The following DIAPH2 variants were observed in gnomAD, a reference collection of about 807,000 sequenced individuals.
DIAPH2 encodes the protein protein diaphanous homolog 2.
Under a neutral mutation model 92.7 loss-of-function variants are expected in DIAPH2, and 35 were observed. The ratio of observed to expected loss-of-function variants is 0.38; its 90% confidence interval spans 0.29 to 0.50. The LOEUF (loss-of-function observed/expected upper bound fraction) is 0.50, where lower values mean the gene tolerates loss of function less well. DIAPH2 is among the 20% of genes least tolerant of loss of function. The probability of loss-of-function intolerance (pLI) is 0.94; values close to 1 mark genes in which losing one functional copy is unlikely to be tolerated. For missense variants in DIAPH2, 701 were observed against 819.5 expected (o/e 0.86, Z 1.77); for synonymous variants, 301 against 280.4 (o/e 1.07, Z -0.73).
intron 17 of DIAPH2, among the ~76,000 whole-genome samples, chrX:97,018,749 A>G (rs932714166): frequency 1.8e-5 from 2 of 111,884 alleles, no homozygotes; most frequent in African/African-American, 3.2e-5. Context: ...CATTTTTTAC[A>G]CAATAATCAA....
chrX:96,845,744 C>T (rs707293), intron 4 of DIAPH2, among the ~76,000 whole-genome samples: 37,816 of 111,054 alleles, frequency 0.34, 5,799 homozygotes, highest in South Asian at 0.5. Context: ...TGATATAAAG[C>T]GTAAATGAAA....
chrX:96,797,574 A>G (rs2064550113), intron 4 of DIAPH2, among the ~76,000 whole-genome samples: 1 of 112,391 alleles, frequency 8.9e-6, no homozygotes, highest in Non-Finnish European at 1.9e-5. Flanking sequence ...GGAAACTTTC[A>G]ATCATGGCAG....
In DIAPH2 at chrX:97,099,809, A is replaced by C. The variant is rs1395329585; in HGVS notation, c.2349+14A>C. On this transcript the variant is annotated intron_variant, in intron 20 of 26. Coordinates refer to ENST00000324765, the MANE Select transcript of DIAPH2 (RefSeq NM_006729.5). ...TTTGGAGTTGTGGTATGTATCCAACATGAGGGACCACAAACTCAGCTGGGA... is the reference window on the plus strand; with the variant it reads ...TTTGGAGTTGTGGTATGTATCCAACCTGAGGGACCACAAACTCAGCTGGGA... 1 of 1,015,303 alleles carries C rather than the reference A, an allele frequency of 9.8e-7. No homozygotes were observed. The highest frequency in any genetic ancestry group is 1.3e-6 in the Non-Finnish European group (1 of 756,549). The allele number at this position is 1,015,303 out of a possible 1,213,427, so 83.7% of individuals were successfully genotyped here.
intron 1 of DIAPH2, among the ~76,000 whole-genome samples, chrX:96,719,922 G>T: frequency 9.0e-6 from 1 of 111,643 alleles, no homozygotes; most frequent in East Asian, 2.8e-4. Flanking sequence ...TAAAGTGATC[G>T]GGATTTTTAC....
At position 96,958,046 on chromosome X, in the gene DIAPH2, A is replaced by C. The variant is rs1285492470; in HGVS notation, c.1833A>C (p.Gly611=). The C allele has an allele frequency of 8.3e-7, 1 of 1,209,762 alleles. No individual in the cohort carries two copies. The highest frequency in any genetic ancestry group is 1.1e-6 in the Non-Finnish European group (1 of 895,231). ...CTCCTCCACCACCACCCCTTGGAGGAGTTCCTCCTCCCCCAGGAATATCAC... is the reference window on the plus strand; with the variant it reads ...CTCCTCCACCACCACCCCTTGGAGGCGTTCCTCCTCCCCCAGGAATATCAC... The part of the protein sequence containing the change: ...GGPPPPPPLG[G]VPPPPGISLN... Residue 611 remains glycine (G), a synonymous_variant, in exon 16 of 27, where the codon GGA becomes GGC. Transcript: ENST00000324765.
intron 26 of DIAPH2, among the ~76,000 whole-genome samples, chrX:97,570,691 G>A (rs1157210349): frequency 3.6e-5 from 4 of 110,769 alleles, no homozygotes; most frequent in African/African-American, 1.3e-4. Context: ...TCAACAGGAA[G>A]GCACTTTATG....
chrX:96,841,437 C>T (rs1193283646), intron 4 of DIAPH2, among the ~76,000 whole-genome samples: 8 of 111,758 alleles, frequency 7.2e-5, no homozygotes, highest in Non-Finnish European at 1.1e-4. Flanking sequence ...TTCTCCTCTC[C>T]ATTCCCTTCC....
chrX:97,053,818 G>A (rs1394550966), intron 17 of DIAPH2, among the ~76,000 whole-genome samples: 1 of 111,798 alleles, frequency 8.9e-6, no homozygotes, highest in African/African-American at 3.2e-5. Context: ...AGTAATGAAT[G>A]TACATGTGCT....
intron 24 of DIAPH2, among the ~76,000 whole-genome samples, chrX:97,375,955 C>T (rs2069496361): frequency 9.0e-6 from 1 of 111,391 alleles, no homozygotes; most frequent in African/African-American, 3.3e-5. Context: ...AACATTAAGG[C>T]AGACTAAGTG....
intron 26 of DIAPH2, among the ~76,000 whole-genome samples, chrX:97,461,354 T>A (rs2070457180): frequency 9.0e-6 from 1 of 111,152 alleles, no homozygotes; most frequent in African/African-American, 3.3e-5. Context: ...CATTAACACA[T>A]CAGAAATAAA....
chrX:97,158,676 T>C (rs2067343046), intron 22 of DIAPH2, among the ~76,000 whole-genome samples: 6 of 112,501 alleles, frequency 5.3e-5, no homozygotes, highest in Middle Eastern at 4.6e-3. Context: ...ATTAAACTGT[T>C]GTGGAACATT....
intron 23 of DIAPH2, among the ~76,000 whole-genome samples, chrX:97,333,093 G>A (rs1398679788): frequency 1.8e-5 from 2 of 111,671 alleles, no homozygotes; most frequent in Non-Finnish European, 3.8e-5. Flanking sequence ...TATTTGGGGG[G>A]AGTATATCAA....
chrX:97,438,130 A>G (rs920709675), intron 26 of DIAPH2, among the ~76,000 whole-genome samples: 2 of 106,444 alleles, frequency 1.9e-5, no homozygotes, highest in Admixed American at 1.0e-4. Context: ...TTAAAAAAAA[A>G]AAAAAAGAAA....
chrX:97,339,208 TC>T (rs1459961200), intron 23 of DIAPH2, among the ~76,000 whole-genome samples: 1 of 111,097 alleles, frequency 9.0e-6, no homozygotes, highest in Non-Finnish European at 1.9e-5. Context: ...TAGATGAGAT[TC>T]CCTAGATAAA....
chrX:97,599,098 G>A (rs767410995), intron 26 of DIAPH2, among the ~76,000 whole-genome samples, 155 bp from the exon 27 acceptor site: 1 of 112,323 alleles, frequency 8.9e-6, no homozygotes, highest in Admixed American at 9.5e-5. Context: ...GCTGCCGCAT[G>A]AACTCCTCAG....
chrX:96,721,662 G>T (rs1436465337), intron 1 of DIAPH2, among the ~76,000 whole-genome samples: 1 of 111,826 alleles, frequency 8.9e-6, no homozygotes, highest in Non-Finnish European at 1.9e-5. Flanking sequence ...TATTGAATAT[G>T]TTGAGGTGCT....
chrX:97,214,864 C>G (rs1183276999), intron 22 of DIAPH2, among the ~76,000 whole-genome samples: 1 of 100,528 alleles, frequency 9.9e-6, no homozygotes, highest in Non-Finnish European at 2.0e-5. Context: ...AAAAAAAATC[C>G]TAAATTTTAA....
At chrX:97,525,455 G>T (rs1363063991) in intron 26 of DIAPH2, among the ~76,000 whole-genome samples, 1 of 112,207 alleles carries the variant, frequency 8.9e-6, no homozygotes, top group East Asian at 2.8e-4. Flanking sequence ...GGTGCTTTCA[G>T]CATGTTGTTC....
intron 26 of DIAPH2, among the ~76,000 whole-genome samples, chrX:97,456,769 AATGATCAATTC>A (rs2070409768): frequency 8.9e-6 from 1 of 111,866 alleles, no homozygotes. Flanking sequence ...CAGCTTCCAC[AATGATCAATTC>A]ATGATCAATT....
Sources: allele counts gnomAD v4.1 joint callset (sites outside exome capture counted in the v4.1 genomes callset), GRCh38; gene constraint gnomAD v4.1.1; transcripts MANE v1.5; gene names NCBI Gene and HGNC (gene_info 2026-07-23, HGNC 2026-07-21).